GIGYF2: variants seen among roughly 807,000 people sequenced by gnomAD.
The protein encoded by GIGYF2 is GRB10 interacting GYF protein 2.
In GIGYF2, 25 loss-of-function variants were observed where a neutral mutation model predicts 208.1. The observed-to-expected ratio is 0.12, with a 90% CI of 0.09 to 0.17. GIGYF2 has a LOEUF of 0.17. Among genes scored for constraint, GIGYF2 ranks in the 10% least tolerant of loss-of-function variants. GIGYF2 has a pLI of 1.00. For missense variants in GIGYF2, 1,302 were observed against 1,579.4 expected (o/e 0.82, Z 2.98); for synonymous variants, 534 against 543.8 (o/e 0.98, Z 0.25).
At chr2:232,768,654 A>T in intron 8 of GIGYF2, 1 of 1,614,022 alleles carries the variant, frequency 6.2e-7, no homozygotes, top group South Asian at 1.1e-5. Flanking sequence ...CTGATAGAGT[A>T]CAGCTGAGAC....
At chr2:232,742,064 T>G (rs1574827506) in intron 3 of GIGYF2, among the ~76,000 whole-genome samples, 1 of 152,194 alleles carries the variant, frequency 6.6e-6, no homozygotes, top group Non-Finnish European at 1.5e-5. Context: ...TGAAAAAGAT[T>G]AGGAAGAATA....
chr2:232,842,289 C>T (rs1475331626), intron 23 of GIGYF2, among the ~76,000 whole-genome samples: 3 of 152,184 alleles, frequency 2.0e-5, no homozygotes, highest in Non-Finnish European at 4.4e-5. Flanking sequence ...CTCCTGAGCT[C>T]AAGTGATTCT....
At chr2:232,843,847 T>A (rs1701906689) in intron 23 of GIGYF2, among the ~76,000 whole-genome samples, 199 bp from the exon 24 acceptor site, 1 of 152,160 alleles carries the variant, frequency 6.6e-6, no homozygotes. Context: ...AAAAAAGAAG[T>A]AATTTTGCAT....
intron 1 of GIGYF2, among the ~76,000 whole-genome samples, chr2:232,699,957 T>C (rs1695773136): frequency 6.6e-6 from 1 of 151,984 alleles, no homozygotes; most frequent in South Asian, 2.1e-4. Flanking sequence ...AATAGACATA[T>C]TTTTTTGCAA....
rs1690662577 is a variant in GIGYF2 at position 232,858,607 on chromosome 2, A to G, written c.*1747A>G. On this transcript the variant is annotated 3_prime_UTR_variant, in exon 29 of 29. Transcript: ENST00000373563. ...TGGAGGAAAATAAAAAAGAACTTAAATAAAATCTGATTGTATTCTATCTGA... is the reference window on the plus strand; with the variant it reads ...TGGAGGAAAATAAAAAAGAACTTAAGTAAAATCTGATTGTATTCTATCTGA... 2.2e-6 allele frequency: 1 copy of G among 454,278 alleles called. No individual in the cohort carries two copies. The allele number at this position is 454,278 out of a possible 1,614,324, so 28.1% of individuals were successfully genotyped here.
intron 2 of GIGYF2, chr2:232,729,736 C>A: frequency 1.3e-6 from 1 of 754,932 alleles, no homozygotes; most frequent in South Asian, 1.4e-5. Context: ...CTAATTTTGC[C>A]ATATCTGTCT....
intron 2 of GIGYF2, among the ~76,000 whole-genome samples, chr2:232,718,348 C>G (rs982747294): frequency 6.6e-6 from 1 of 152,166 alleles, no homozygotes; most frequent in East Asian, 1.9e-4. Context: ...ATCCACTCAC[C>G]TTAGCCTCCC....
intron 8 of GIGYF2, among the ~76,000 whole-genome samples, chr2:232,776,066 ATTC>A (rs1699499027): frequency 6.8e-6 from 1 of 147,704 alleles, no homozygotes; most frequent in African/African-American, 2.5e-5. Context: ...AAAGTGGCTT[ATTC>A]TTTTGGCATT....
In GIGYF2 at chr2:232,794,699, C is replaced by T. The variant is rs79000563; in HGVS notation, c.1283-49C>T. ...GACTTGATAATGTAGTTAGCCTTCA[C>T]AGAAGTCTCTGTATTTCAAAGGATT... On this transcript the variant is annotated intron_variant, in intron 12 of 28. Coordinates refer to ENST00000373563, the MANE Select transcript of GIGYF2 (RefSeq NM_001103146.3). The T allele has an allele frequency of 6.3e-4, 892 of 1,426,924 alleles. 10 individuals carry two copies. In the East Asian group the frequency reaches 0.019, roughly 31 times the overall value. The allele number at this position is 1,426,924 out of a possible 1,614,324, so 88.4% of individuals were successfully genotyped here.
At chr2:232,726,350 C>T (rs1317606329) in intron 2 of GIGYF2, among the ~76,000 whole-genome samples, 1 of 131,832 alleles carries the variant, frequency 7.6e-6, no homozygotes, top group East Asian at 2.2e-4. Flanking sequence ...GCCCCAGTGA[C>T]AGAGCAAGGC....
At position 232,841,661 on chromosome 2, in the gene GIGYF2, T is replaced by C. The variant is rs1574945739; in HGVS notation, c.2889+1690T>C. On this transcript the variant is annotated intron_variant, in intron 23 of 28. Coordinates refer to ENST00000373563, the MANE Select transcript of GIGYF2 (RefSeq NM_001103146.3). ...TTTTCTTGGAACTTTTAAGTCTCCC[T>C]GTACCCTTTATAAGGGTGCCTCTTA... is the stretch of plus-strand genomic sequence containing the variant. Among the ~76,000 whole-genome samples, 18 of 152,194 alleles carry C rather than the reference T, an allele frequency of 1.2e-4. 1 individual carries two copies. The South Asian group carries it at 3.5e-3, about 30-fold the overall frequency.
intron 15 of GIGYF2, among the ~76,000 whole-genome samples, chr2:232,807,980 A>G (rs984647324): frequency 1.3e-5 from 2 of 152,224 alleles, no homozygotes; most frequent in Non-Finnish European, 2.9e-5. Context: ...TTCTTAGGAG[A>G]TGAAGATGAG....
intron 8 of GIGYF2, chr2:232,776,558 C>A: frequency 1.2e-6 from 1 of 812,208 alleles, no homozygotes; most frequent in South Asian, 1.4e-5. Context: ...AGGTTCTCTT[C>A]TTGGACTGGT....
In GIGYF2 at chr2:232,768,761, G is replaced by A. The variant is rs765588259; in HGVS notation, c.532+7325G>A. On this transcript the variant is annotated intron_variant, in intron 8 of 28. Transcript: ENST00000373563. The stretch of plus-strand genomic sequence containing the variant: ...GAGCTACTACTGCTGTGTCAGTAAA[G>A]CGAATTGAAAAAGCTCGATTTTTTG... The A allele has an allele frequency of 1.6e-5, 26 of 1,600,760 alleles. No individual in the cohort carries two copies. The highest frequency in any genetic ancestry group is 2.2e-5 in the Non-Finnish European group (26 of 1,170,646).
At chr2:232,735,519 C>T (rs1697696630) in intron 3 of GIGYF2, 2 of 348,318 alleles carry the variant, frequency 5.7e-6, no homozygotes, top group Admixed American at 9.0e-5. Flanking sequence ...GAGTCGTTGT[C>T]TAGGTGCACA....
intron 9 of GIGYF2, among the ~76,000 whole-genome samples, chr2:232,787,939 T>A (rs914924164): frequency 1.3e-5 from 2 of 152,314 alleles, no homozygotes; most frequent in Middle Eastern, 3.4e-3. Flanking sequence ...TCTTGGACAT[T>A]AGATATGCTA....
At chr2:232,822,079 C>G (rs1044338682) in intron 21 of GIGYF2, among the ~76,000 whole-genome samples, 15 of 151,834 alleles carry the variant, frequency 9.9e-5, no homozygotes, top group Non-Finnish European at 2.2e-4. Flanking sequence ...CCAGCTTTGC[C>G]TTTTTATTCA....
intron 14 of GIGYF2, among the ~76,000 whole-genome samples, chr2:232,797,981 C>CAAAAAAAAAAAAAA (rs57991158): frequency 2.9e-5 from 3 of 102,388 alleles, no homozygotes; most frequent in African/African-American, 1.1e-4. Flanking sequence ...ACTGTGCCTC[C>CAAAAAAAAAAAAAA]AAAAAAAAAA....
In GIGYF2 at chr2:232,836,299, TA is replaced by T. The variant is rs1559160474; in HGVS notation, c.2766+3207del. ...ATATATATATATATATATATATATA[TA>T]TATATATATATATATATATATATAT... On this transcript the variant is annotated intron_variant, in intron 22 of 28. Transcript: ENST00000373563. Among the ~76,000 whole-genome samples, 45 of 20,014 alleles carry T rather than the reference TA, an allele frequency of 2.2e-3. 5 individuals are homozygous for T. Among genetic ancestry groups the T allele is most frequent in the Non-Finnish European group, 2.3e-3 (21 of 8,954 alleles). 13.1% of individuals were successfully genotyped at this position (20,014 alleles called of 152,430 possible).
Sources: gnomAD v4.1 joint callset for allele counts (sites outside exome capture counted in the v4.1 genomes callset) on GRCh38, gnomAD v4.1.1 for gene constraint, MANE v1.5 for transcripts, NCBI Gene and HGNC (gene_info 2026-07-23, HGNC 2026-07-21) for gene names.